NOL10: variants seen among roughly 807,000 people sequenced by gnomAD.
The protein encoded by NOL10 is nucleolar protein 10.
In NOL10, 58 loss-of-function variants were observed where a neutral mutation model predicts 103.5. The observed-to-expected ratio is 0.56, with a 90% confidence interval of 0.45 to 0.70. The LOEUF (loss-of-function observed/expected upper bound fraction) is 0.70. Among genes scored for constraint, NOL10 ranks in the 30% least tolerant of loss-of-function variants. The probability of loss-of-function intolerance (pLI) is 0.00; values close to 1 mark genes in which losing one functional copy is unlikely to be tolerated. For missense variants in NOL10, 763 were observed against 807.3 expected, an observed-to-expected ratio of 0.95 and a Z score of 0.67; for synonymous variants, 287 against 282.5, an observed-to-expected ratio of 1.02 and a Z score of -0.16.
At chr2:10,596,513 C>A (rs900715524) in intron 17 of NOL10, among the ~76,000 whole-genome samples, 2 of 152,108 alleles carry the variant, frequency 1.3e-5, no homozygotes, top group African/African-American at 4.8e-5. Context: ...CCCTCGCATG[C>A]GCAGTTCACA....
intron 1 of NOL10, among the ~76,000 whole-genome samples, chr2:10,685,061 T>A (rs1447877243): frequency 6.6e-6 from 1 of 152,156 alleles, no homozygotes; most frequent in East Asian, 1.9e-4. Context: ...ATCTAAGCAA[T>A]CTAAAGGAAA....
chr2:10,638,902 A>G (rs1375298776), intron 13 of NOL10, among the ~76,000 whole-genome samples: 1 of 145,846 alleles, frequency 6.9e-6, no homozygotes, highest in Non-Finnish European at 1.5e-5. Flanking sequence ...TTCCAGGTTC[A>G]AGCGATTCTC....
rs1558270499 is a variant in NOL10 at position 10,587,172 on chromosome 2, T to TATATACAC, written c.1844+1870_1844+1871insGTGTATAT. The stretch of plus-strand genomic sequence containing the variant: ...ATACATATATACACATATATACACA[T>TATATACAC]ATATATACACATATATATACACATA... On this transcript the variant is annotated intron_variant, in intron 19 of 20. Transcript: ENST00000381685. 3.6e-3 allele frequency among the ~76,000 whole-genome samples: 82 copies of TATATACAC among 22,590 alleles called. 12 individuals are homozygous for TATATACAC. The highest frequency in any genetic ancestry group is 8.1e-3 in the Non-Finnish European group (73 of 9,026). 14.8% of individuals were successfully genotyped at this position (22,590 alleles called of 152,430 possible).
intron 12 of NOL10, among the ~76,000 whole-genome samples, chr2:10,647,337 A>C (rs1439075089): frequency 2.0e-5 from 3 of 152,214 alleles, no homozygotes; most frequent in Admixed American, 6.5e-5. Flanking sequence ...ACAGCTGCTC[A>C]AAGTGTGTCC....
chr2:10,602,605 A>G (rs932657757), intron 16 of NOL10, among the ~76,000 whole-genome samples, 171 bp downstream of exon 16: 1 of 152,238 alleles, frequency 6.6e-6, no homozygotes, highest in Non-Finnish European at 1.5e-5. Flanking sequence ...TTGCACCCTC[A>G]TGACAAACAT....
chr2:10,651,860 A>G (rs556747733), intron 12 of NOL10, among the ~76,000 whole-genome samples: 1 of 152,320 alleles, frequency 6.6e-6, no homozygotes, highest in Non-Finnish European at 1.5e-5. Context: ...CATGATTATA[A>G]TAAAATTCTC....
chr2:10,659,657 G>A (rs1042981581), intron 9 of NOL10, among the ~76,000 whole-genome samples: 5 of 152,066 alleles, frequency 3.3e-5, no homozygotes, highest in African/African-American at 7.2e-5. Flanking sequence ...CGCTGCAGTG[G>A]AGCTCTGCTG....
chr2:10,587,160 C>CATATATATACACATATATATACACAT (rs368009505), intron 19 of NOL10, among the ~76,000 whole-genome samples: 1 of 22,716 alleles, frequency 4.4e-5, no homozygotes, highest in Non-Finnish European at 7.1e-5. Flanking sequence ...CATATATACA[C>CATATATATACACATATATATACACAT]ATATATACAC....
intron 9 of NOL10, among the ~76,000 whole-genome samples, chr2:10,660,491 AT>A (rs1317365191): frequency 6.6e-6 from 1 of 151,648 alleles, no homozygotes; most frequent in African/African-American, 2.4e-5. Flanking sequence ...TAATTTTTGT[AT>A]TTTTTTGTAG....
intron 13 of NOL10, among the ~76,000 whole-genome samples, chr2:10,626,829 T>C (rs142855280): frequency 9.2e-4 from 140 of 152,352 alleles, no homozygotes; most frequent in African/African-American, 3.3e-3. Flanking sequence ...AAACATCATC[T>C]GATACACTAA....
At chr2:10,619,176 T>C (rs915382904) in intron 13 of NOL10, among the ~76,000 whole-genome samples, 3 of 152,132 alleles carry the variant, frequency 2.0e-5, no homozygotes, top group African/African-American at 7.2e-5. Flanking sequence ...AGACAGAGTC[T>C]TGTTCTGTCA....
chr2:10,632,404 G>A (rs748704046), intron 13 of NOL10, among the ~76,000 whole-genome samples: 11 of 152,100 alleles, frequency 7.2e-5, no homozygotes, highest in African/African-American at 2.4e-4. Context: ...AAATGAATGG[G>A]CTCACTGTGT....
At chr2:10,656,531 G>C (rs1396967351) in intron 11 of NOL10, among the ~76,000 whole-genome samples, 2 of 152,144 alleles carry the variant, frequency 1.3e-5, no homozygotes, top group Non-Finnish European at 2.9e-5. Context: ...AGAGAAAAAA[G>C]GAAAAGAAGC....
intron 20 of NOL10, among the ~76,000 whole-genome samples, chr2:10,574,028 C>T (rs1674322600): frequency 6.6e-6 from 1 of 152,164 alleles, no homozygotes. Context: ...AAAGTTTGGT[C>T]CCTTACCAAA....
intron 13 of NOL10, among the ~76,000 whole-genome samples, chr2:10,618,034 G>GTTT (rs36205939): frequency 1.4e-5 from 2 of 145,876 alleles, no homozygotes; most frequent in African/African-American, 2.5e-5. Context: ...TACACTTCAT[G>GTTT]TTTTTTTTTT....
intron 13 of NOL10, among the ~76,000 whole-genome samples, chr2:10,614,841 T>C (rs1180105422): frequency 6.6e-6 from 1 of 152,240 alleles, no homozygotes; most frequent in Non-Finnish European, 1.5e-5. Context: ...TTAATGATAA[T>C]TTTTCTAATT....
chr2:10,684,667 C>T (rs1255242891), intron 1 of NOL10, 55 bp from the exon 2 acceptor site: 11 of 1,405,222 alleles, frequency 7.8e-6, no homozygotes, highest in East Asian at 5.0e-5. Context: ...AATTGTTTTT[C>T]GGCTTGCAAA....
intron 13 of NOL10, among the ~76,000 whole-genome samples, chr2:10,631,543 C>T (rs1001799613): frequency 2.0e-5 from 3 of 152,124 alleles, no homozygotes; most frequent in African/African-American, 4.8e-5. Flanking sequence ...ACTATTAAAT[C>T]TTTTGGACAA....
intron 17 of NOL10, among the ~76,000 whole-genome samples, chr2:10,595,977 A>G (rs1161879384): frequency 6.6e-6 from 1 of 152,204 alleles, no homozygotes; most frequent in Admixed American, 6.5e-5. Context: ...TAAAAAAAAC[A>G]AAAATTTTAA....
Sources: allele counts gnomAD v4.1 joint callset (sites outside exome capture counted in the v4.1 genomes callset), GRCh38; gene constraint gnomAD v4.1.1; transcripts MANE v1.5; gene names NCBI Gene and HGNC (gene_info 2026-07-23, HGNC 2026-07-21).